RBFOX1: variants seen among roughly 807,000 people sequenced by gnomAD.
RBFOX1 encodes RNA binding fox-1 homolog 1.
In RBFOX1, 8 loss-of-function variants were observed where a neutral mutation model predicts 57.7. The ratio of observed to expected loss-of-function variants is 0.14; its 90% CI spans 0.08 to 0.25. RBFOX1 has a LOEUF of 0.25. Among genes scored for constraint, RBFOX1 ranks in the 10% least tolerant of loss-of-function variants. The pLI is 1.00. For synonymous variants in RBFOX1, 326 were observed against 222.4 expected, an observed-to-expected ratio of 1.47 and a Z score of -4.15; for missense variants, 611 against 548.5, an observed-to-expected ratio of 1.11 and a Z score of -1.14.
intron 1 of RBFOX1, among the ~76,000 whole-genome samples, chr16:5,282,522 T>G (rs1450749208): frequency 3.9e-5 from 6 of 152,146 alleles, no homozygotes; most frequent in Non-Finnish European, 8.8e-5. Flanking sequence ...ATATGGACAA[T>G]AAAGTCTAGG....
intron 2 of RBFOX1, among the ~76,000 whole-genome samples, chr16:5,484,936 G>A (rs139714325): frequency 1.9e-3 from 287 of 151,932 alleles, no homozygotes; most frequent in Non-Finnish European, 3.4e-3. Flanking sequence ...GCACACACCT[G>A]TAGTCTCAGC....
chr16:7,279,887 G>T (rs1344266492), intron 4 of RBFOX1, among the ~76,000 whole-genome samples: 1 of 152,192 alleles, frequency 6.6e-6, no homozygotes, highest in Admixed American at 6.5e-5. Flanking sequence ...AAGGGAAATT[G>T]ATCATTGGCT....
At chr16:6,707,950 G>A (rs922816636) in intron 3 of RBFOX1, among the ~76,000 whole-genome samples, 11 of 152,288 alleles carry the variant, frequency 7.2e-5, no homozygotes, top group African/African-American at 2.4e-4. Flanking sequence ...TAGTGCAGAG[G>A]TAGAAGCAGG....
intron 2 of RBFOX1, among the ~76,000 whole-genome samples, chr16:6,542,284 T>C (rs60736287): frequency 0.044 from 6,703 of 151,990 alleles, 422 homozygotes; most frequent in African/African-American, 0.13. Flanking sequence ...AGAGGTCAGA[T>C]ACTTATCTGT....
intron 4 of RBFOX1, among the ~76,000 whole-genome samples, chr16:6,003,697 C>A (rs141759709): frequency 6.6e-6 from 1 of 152,206 alleles, no homozygotes; most frequent in South Asian, 2.1e-4. Flanking sequence ...AGGCCTGGGG[C>A]CTTGGCCAAG....
At chr16:6,924,160 C>T (rs563465539) in intron 3 of RBFOX1, among the ~76,000 whole-genome samples, 4 of 126,574 alleles carry the variant, frequency 3.2e-5, no homozygotes, top group Non-Finnish European at 6.8e-5. Context: ...CAGGAAGACT[C>T]TGTCTCAAAA....
At chr16:6,869,272 T>A (rs2060462186) in intron 3 of RBFOX1, among the ~76,000 whole-genome samples, 1 of 152,192 alleles carries the variant, frequency 6.6e-6, no homozygotes. Flanking sequence ...ATGTTTCTCA[T>A]AAGAACCTTA....
chr16:5,328,695 G>T (rs1414034490), intron 1 of RBFOX1, among the ~76,000 whole-genome samples: 1 of 152,188 alleles, frequency 6.6e-6, no homozygotes, highest in Non-Finnish European at 1.5e-5. Context: ...CCAGCCTCCT[G>T]CGGAGCTGCC....
intron 2 of RBFOX1, among the ~76,000 whole-genome samples, chr16:6,459,355 C>T (rs1165119647): frequency 6.6e-6 from 1 of 152,136 alleles, no homozygotes; most frequent in Admixed American, 6.5e-5. Flanking sequence ...ATTCAGGATA[C>T]TCACTCGGCT....
At chr16:6,686,048 C>T (rs896589807) in intron 3 of RBFOX1, among the ~76,000 whole-genome samples, 2 of 152,072 alleles carry the variant, frequency 1.3e-5, no homozygotes, top group Non-Finnish European at 2.9e-5. Flanking sequence ...GAAAATGTCC[C>T]ATATGTTTGG....
intron 3 of RBFOX1, among the ~76,000 whole-genome samples, chr16:6,743,496 C>G (rs1045282589): frequency 2.0e-5 from 3 of 152,088 alleles, no homozygotes; most frequent in Non-Finnish European, 2.9e-5. Context: ...AGTCCCAGCA[C>G]TTTGGGAGGC....
intron 1 of RBFOX1, among the ~76,000 whole-genome samples, chr16:6,084,601 C>T (rs756179217): frequency 2.6e-4 from 40 of 151,604 alleles, no homozygotes; most frequent in Admixed American, 9.2e-4. Context: ...CCCTTTATAA[C>T]GGTTTGCTAG....
At chr16:5,349,957 C>G (rs527333178) in intron 1 of RBFOX1, among the ~76,000 whole-genome samples, 39 of 152,332 alleles carry the variant, frequency 2.6e-4, no homozygotes, top group African/African-American at 4.6e-4. Flanking sequence ...TCTCACTCCT[C>G]TATAATTACC....
chr16:6,493,699 C>T (rs1176656498), intron 2 of RBFOX1, among the ~76,000 whole-genome samples: 1 of 152,154 alleles, frequency 6.6e-6, no homozygotes, highest in Non-Finnish European at 1.5e-5. Context: ...AACTGAACTT[C>T]ATACCTTGGG....
chr16:5,953,636 C>T (rs1379271892), intron 4 of RBFOX1, among the ~76,000 whole-genome samples: 1 of 151,806 alleles, frequency 6.6e-6, no homozygotes, highest in Non-Finnish European at 1.5e-5. Flanking sequence ...ATAATAGTCT[C>T]TAATCTCATC....
intron 4 of RBFOX1, among the ~76,000 whole-genome samples, chr16:7,391,500 T>C (rs1443685038): frequency 6.6e-6 from 1 of 152,228 alleles, no homozygotes; most frequent in Non-Finnish European, 1.5e-5. Flanking sequence ...CACCCATGTG[T>C]GCTTTTGGAC....
intron 4 of RBFOX1, among the ~76,000 whole-genome samples, chr16:7,197,768 C>A (rs1044435520): frequency 6.6e-6 from 1 of 152,090 alleles, no homozygotes. Flanking sequence ...AGTACTGATA[C>A]ATGCTACAAT....
intron 4 of RBFOX1, among the ~76,000 whole-genome samples, chr16:7,147,255 T>G (rs2075196798): frequency 1.3e-5 from 2 of 151,418 alleles, no homozygotes; most frequent in South Asian, 4.2e-4. Flanking sequence ...TCCGCCCACC[T>G]CAGCCTCCCA....
chr16:5,481,389 G>A (rs2069536010), intron 2 of RBFOX1, among the ~76,000 whole-genome samples: 1 of 152,182 alleles, frequency 6.6e-6, no homozygotes, highest in South Asian at 2.1e-4. Flanking sequence ...GGAGAACAGG[G>A]CATTTTGTAT....
Sources: allele counts gnomAD v4.1 joint callset (sites outside exome capture counted in the v4.1 genomes callset), GRCh38; gene constraint gnomAD v4.1.1; transcripts MANE v1.5; gene names NCBI Gene and HGNC (gene_info 2026-07-23, HGNC 2026-07-21).